The following TP53BP1 variants were observed in gnomAD, a reference collection of about 807,000 sequenced individuals.
TP53BP1 encodes the protein tumor protein p53 binding protein 1.
TP53BP1 carries 61 observed loss-of-function variants against 200.8 expected under a neutral mutation model. That is an observed-to-expected ratio of 0.30 (90% CI 0.25 to 0.38). The LOEUF (loss-of-function observed/expected upper bound fraction) is 0.38, where lower values mean the gene tolerates loss of function less well. Ranked by LOEUF, TP53BP1 falls within the 10% of genes least tolerant of loss-of-function variation. The probability of loss-of-function intolerance (pLI) is 1.00; values close to 1 mark genes in which losing one functional copy is unlikely to be tolerated. For missense variants in TP53BP1, 2,144 were observed against 2,371.9 expected, an observed-to-expected ratio of 0.90 and a Z score of 2.00; for synonymous variants, 822 against 844.3, an observed-to-expected ratio of 0.97 and a Z score of 0.46.
intron 10 of TP53BP1, among the ~76,000 whole-genome samples, chr15:43,472,948 G>A (rs370847352): frequency 8.4e-4 from 128 of 152,234 alleles, no homozygotes; most frequent in African/African-American, 2.8e-3. Flanking sequence ...GGCGCGTCTC[G>A]AGTCTGTCCC....
chr15:43,413,488 G>T (rs1279514377), intron 23 of TP53BP1, among the ~76,000 whole-genome samples, 154 bp from the exon 24 acceptor site: 1 of 152,072 alleles, frequency 6.6e-6, no homozygotes, highest in Admixed American at 6.5e-5. Context: ...CCATTCCAAT[G>T]GCCAACCATT....
intron 16 of TP53BP1, among the ~76,000 whole-genome samples, chr15:43,435,835 A>C (rs2045784083): frequency 6.6e-6 from 1 of 152,046 alleles, no homozygotes; most frequent in Admixed American, 6.6e-5. Context: ...AGCTGAGACT[A>C]CAAGCGTGGA....
chr15:43,457,794 A>G (rs910120317), intron 11 of TP53BP1, among the ~76,000 whole-genome samples: 1 of 151,320 alleles, frequency 6.6e-6, no homozygotes, highest in Admixed American at 6.6e-5. Context: ...TGAGGCAGGT[A>G]TATCACCTGA....
At chr15:43,482,163 A>C (rs1335133868) in intron 4 of TP53BP1, among the ~76,000 whole-genome samples, 1 of 151,772 alleles carries the variant, frequency 6.6e-6, no homozygotes, top group African/African-American at 2.4e-5. Context: ...CGGGAGGCAG[A>C]GCTTGCAGTG....
At position 43,413,141 on chromosome 15, in the gene TP53BP1, T is replaced by C. The variant is rs758538859; in HGVS notation, c.5283A>G (p.Thr1761=). 1.2e-6 allele frequency: 2 copies of C among 1,614,190 alleles called. No homozygotes were observed. The highest frequency in any genetic ancestry group is 1.7e-6 in the Non-Finnish European group (2 of 1,180,016). The change falls in exon 24 of 28, where the codon ACA becomes ACG. Residue 1761 remains threonine, a synonymous_variant. Coordinates refer to ENST00000382044, the MANE Select transcript of TP53BP1 (RefSeq NM_001141980.3). ...ASRSKLPDGP[T]GSSEEEEEFL... ...TACCCTCCTCTTCTTCACTGCTTCC[T>C]GTAGGACCATCTGGCAGTTTGGAGC...
intron 1 of TP53BP1, among the ~76,000 whole-genome samples, chr15:43,503,123 G>A (rs1179353802): frequency 1.3e-5 from 2 of 152,230 alleles, no homozygotes; most frequent in Non-Finnish European, 2.9e-5. Context: ...TTTAAGTGTA[G>A]AGTTTGATGA....
chr15:43,479,464 T>A lies in TP53BP1; in HGVS notation c.721A>T (p.Ile241Phe). 1 of 1,614,006 alleles carries A rather than the reference T, an allele frequency of 6.2e-7. No individual in the cohort carries two copies. Among genetic ancestry groups the A allele is most frequent in the East Asian group, 2.2e-5 (1 of 44,864 alleles). The change falls in exon 7 of 28, where the codon ATC (isoleucine) becomes TTC (phenylalanine). Residue 241 changes from isoleucine (I) to phenylalanine (F), a missense_variant. Physicochemically the swap from Ile to Phe is conservative, Grantham distance 21 (BLOSUM62 0). Coordinates refer to ENST00000382044, the MANE Select transcript of TP53BP1 (RefSeq NM_001141980.3). ...IPIAEQSSKDIPVTAQPSKDV... is the reference protein window; with the variant it reads ...IPIAEQSSKDFPVTAQPSKDV... Reference sequence around the variant, plus strand: ...TTACTGGGCTGTGCTGTCACAGGGATGTCCTTGCTGGACTGTTCTGCTATG... The same window carrying A: ...TTACTGGGCTGTGCTGTCACAGGGAAGTCCTTGCTGGACTGTTCTGCTATG...
At position 43,405,248 on chromosome 15, in the gene TP53BP1, C is replaced by T. The variant is rs761226515; in HGVS notation, c.*2135G>A. 17 of 1,612,352 alleles carry T rather than the reference C, an allele frequency of 1.1e-5. No homozygotes were observed. Among genetic ancestry groups the T allele is most frequent in the East Asian group, 2.2e-5 (1 of 44,872 alleles). ...GGCTCATAAATTGAAATAACAGCCA[C>T]GTTCCCAAGGTTGTAACAGAAGATT... On this transcript the variant is annotated 3_prime_UTR_variant, in exon 28 of 28. Transcript: ENST00000382044.
intron 14 of TP53BP1, among the ~76,000 whole-genome samples, chr15:43,445,402 C>T (rs569754608): frequency 6.6e-6 from 1 of 152,290 alleles, no homozygotes; most frequent in South Asian, 2.1e-4. Flanking sequence ...TCCTAGTTCT[C>T]CTTCTCTCTG....
intron 12 of TP53BP1, among the ~76,000 whole-genome samples, chr15:43,447,836 A>T (rs188355366): frequency 1.3e-5 from 2 of 152,346 alleles, no homozygotes; most frequent in African/African-American, 4.8e-5. Flanking sequence ...ATTTAGCAAT[A>T]CAAATTTGGA....
intron 1 of TP53BP1, among the ~76,000 whole-genome samples, chr15:43,509,932 C>T (rs534280739): frequency 1.1e-4 from 17 of 152,198 alleles, no homozygotes; most frequent in African/African-American, 3.9e-4. Flanking sequence ...CCCATACATA[C>T]ATGTACAGAA....
upstream of TP53BP1, among the ~76,000 whole-genome samples, chr15:43,494,218 G>A (rs1357201612): frequency 6.6e-6 from 1 of 152,134 alleles, no homozygotes; most frequent in Non-Finnish European, 1.5e-5. Flanking sequence ...TTCAATATGA[G>A]GCAGTTTTCT....
intron 26 of TP53BP1, 199 bp downstream of exon 26, chr15:43,408,694 TCACA>T (rs968577221): frequency 8.6e-6 from 5 of 578,776 alleles, no homozygotes; most frequent in African/African-American, 7.5e-5. Flanking sequence ...ATACAAATCT[TCACA>T]CATTTGCAAA....
chr15:43,420,021 G>C (rs1360402519), intron 21 of TP53BP1, among the ~76,000 whole-genome samples: 1 of 152,272 alleles, frequency 6.6e-6, no homozygotes, highest in Non-Finnish European at 1.5e-5. Context: ...TCAACAATAG[G>C]GAAAGCTGGA....
At position 43,403,518 on chromosome 15, in the gene TP53BP1, C is replaced by T. The variant is rs3883; in HGVS notation, c.*3865G>A. On this transcript the variant is annotated 3_prime_UTR_variant, in exon 28 of 28. Transcript: ENST00000382044. ...ATGCATTTGTTTTACGCATTTTGTG[C>T]GTCTGAGGGGCTGGCAGGCCTTGCA... is the stretch of plus-strand genomic sequence containing the variant. 4,912 of 579,548 alleles carry T rather than the reference C, an allele frequency of 8.5e-3. 23 individuals are homozygous for T. Among genetic ancestry groups the T allele is most frequent in the Non-Finnish European group, 0.011 (3,426 of 322,340 alleles). The allele number at this position is 579,548 out of a possible 1,614,324, so 35.9% of individuals were successfully genotyped here. A position where few individuals can be genotyped will look rare whatever the true frequency, so the allele number is the denominator to read the frequency against.
At chr15:43,430,317 C>T (rs551742756) in intron 17 of TP53BP1, among the ~76,000 whole-genome samples, 22 of 152,320 alleles carry the variant, frequency 1.4e-4, no homozygotes, top group Admixed American at 1.4e-3. Flanking sequence ...ACCTGGAAAA[C>T]TTGCATACAG....
In TP53BP1 at chr15:43,408,013, G is replaced by C. The variant is rs2044973768; in HGVS notation, c.5676C>G (p.Leu1892=). The change falls in exon 27 of 28, where the codon CTC becomes CTG. Residue 1892 remains leucine, a synonymous_variant. Coordinates refer to ENST00000382044, the MANE Select transcript of TP53BP1 (RefSeq NM_001141980.3). ...CACCAGTCATGAGGATCTCAGACCA[G>C]AGCTCCAGGAAGTTCTGCTGTTGGT... ...VSDQQQNFLE[L]WSEILMTGGA... 2.5e-6 allele frequency: 4 copies of C among 1,614,008 alleles called. No homozygotes were observed. In the African/African-American group the frequency reaches 5.3e-5, roughly 22 times the overall value.
intron 22 of TP53BP1, 97 bp downstream of exon 22, chr15:43,416,127 TA>T: frequency 8.5e-7 from 1 of 1,170,322 alleles, no homozygotes; most frequent in Non-Finnish European, 1.2e-6. Context: ...ATAGGAATAA[TA>T]AAAGTTAGGG....
intron 21 of TP53BP1, among the ~76,000 whole-genome samples, chr15:43,418,463 C>T (rs762283443): frequency 6.6e-6 from 1 of 150,726 alleles, no homozygotes; most frequent in Non-Finnish European, 1.5e-5. Flanking sequence ...GATCACGCCA[C>T]TCACTGCACT....
Sources: gnomAD v4.1 joint callset for allele counts (sites outside exome capture counted in the v4.1 genomes callset) on GRCh38, gnomAD v4.1.1 for gene constraint, MANE v1.5 for transcripts, NCBI Gene and HGNC (gene_info 2026-07-23, HGNC 2026-07-21) for gene names.